Variants in MPZL1 observed in about 807,000 individuals in gnomAD.
MPZL1 encodes the protein myelin protein zero like 1, also known as myelin protein zero-like protein 1.
Under a neutral mutation model 29.3 loss-of-function variants are expected in MPZL1, and 16 were observed. The ratio of observed to expected loss-of-function variants is 0.55; its 90% CI spans 0.37 to 0.83. MPZL1 has a LOEUF of 0.83. MPZL1 is among the 40% of genes least tolerant of loss of function. The probability of loss-of-function intolerance (pLI) is 0.00; values close to 1 mark genes in which losing one functional copy is unlikely to be tolerated. For synonymous variants in MPZL1, 143 were observed against 132.0 expected (o/e 1.08, Z -0.57); for missense variants, 279 against 332.9 (o/e 0.84, Z 1.26).
chr1:167,774,793 C>T (rs1661331735), intron 4 of MPZL1: 1 of 152,324 alleles, frequency 6.6e-6, no homozygotes, highest in African/African-American at 2.4e-5. Context: ...ACATAGAAGA[C>T]ACATTGGGAC....
At chr1:167,784,671 C>A (rs1238614008) in intron 5 of MPZL1, among the ~76,000 whole-genome samples, 1 of 152,194 alleles carries the variant, frequency 6.6e-6, no homozygotes, top group African/African-American at 2.4e-5. Context: ...TGTCAGCAGA[C>A]CCCAATCTCA....
intron 1 of MPZL1, among the ~76,000 whole-genome samples, chr1:167,757,514 A>G (rs1313461633): frequency 1.3e-5 from 2 of 152,228 alleles, no homozygotes; most frequent in Non-Finnish European, 2.9e-5. Context: ...CCTAGGAAAT[A>G]AAACATTACC....
intron 1 of MPZL1, among the ~76,000 whole-genome samples, chr1:167,740,070 C>T (rs948542704): frequency 1.3e-5 from 2 of 152,176 alleles, no homozygotes; most frequent in African/African-American, 4.8e-5. Flanking sequence ...GCCATCATTG[C>T]ACTTACCTGG....
At chr1:167,745,081 G>A (rs1660617024) in intron 1 of MPZL1, among the ~76,000 whole-genome samples, 1 of 152,118 alleles carries the variant, frequency 6.6e-6, no homozygotes. Flanking sequence ...GAGAAAGCAG[G>A]AAAAGGATAC....
At chr1:167,728,653 C>G (rs1046253992) in intron 1 of MPZL1, among the ~76,000 whole-genome samples, 1 of 146,774 alleles carries the variant, frequency 6.8e-6, no homozygotes, top group African/African-American at 2.5e-5. Flanking sequence ...CTCAGAGTCT[C>G]TAGAAACTGT....
chr1:167,772,239 GA>G, intron 2 of MPZL1, 35 bp from the exon 3 acceptor site: 1 of 1,532,102 alleles, frequency 6.5e-7, no homozygotes, highest in East Asian at 2.3e-5. Flanking sequence ...TTCTGCCTTT[GA>G]GAATAGTTCA....
At chr1:167,781,174 C>G (rs566741222) in intron 5 of MPZL1, among the ~76,000 whole-genome samples, 1 of 152,244 alleles carries the variant, frequency 6.6e-6, no homozygotes, top group African/African-American at 2.4e-5. Context: ...TTTCAACACT[C>G]CTTTCTCAGC....
At chr1:167,778,619 A>G (rs1476485975) in intron 5 of MPZL1, among the ~76,000 whole-genome samples, 1 of 152,016 alleles carries the variant, frequency 6.6e-6, no homozygotes, top group Non-Finnish European at 1.5e-5. Context: ...AAATCAGGAG[A>G]AATCAATCAG....
At chr1:167,756,817 G>A (rs1392984982) in intron 1 of MPZL1, among the ~76,000 whole-genome samples, 1 of 152,066 alleles carries the variant, frequency 6.6e-6, no homozygotes, top group Non-Finnish European at 1.5e-5. Context: ...GGTAAACAAG[G>A]TAGACACAGC....
intron 1 of MPZL1, among the ~76,000 whole-genome samples, chr1:167,733,690 G>T (rs545596604): frequency 3.3e-5 from 5 of 152,052 alleles, no homozygotes; most frequent in Admixed American, 3.3e-4. Context: ...GTTGCAGTGA[G>T]CTGAGATTGT....
intron 4 of MPZL1, 170 bp downstream of exon 4, chr1:167,773,538 G>T: frequency 3.0e-6 from 2 of 676,534 alleles, no homozygotes; most frequent in East Asian, 3.0e-5. Context: ...GTGGAAATCA[G>T]TGGGCCTGCT....
rs1661698731 is a variant in MPZL1, at chr1:167,790,920, C to T, written c.*2999C>T. The T allele has an allele frequency of 6.6e-6, 1 of 152,088 alleles. No individual in the cohort carries two copies. Among genetic ancestry groups the T allele is most frequent in the Non-Finnish European group, 1.5e-5 (1 of 68,032 alleles). 9.4% of individuals were successfully genotyped at this position (152,088 alleles called of 1,614,324 possible). On this transcript the variant is annotated 3_prime_UTR_variant, in exon 6 of 6. Transcript: ENST00000359523. ...CCTGCCTTCTTTTCTTCAAAAATGC[C>T]GTCCGTGTGCCTGCTTCTGGGCCTT... is the stretch of plus-strand genomic sequence containing the variant.
At chr1:167,731,087 A>G (rs1660255017) in intron 1 of MPZL1, among the ~76,000 whole-genome samples, 1 of 152,240 alleles carries the variant, frequency 6.6e-6, no homozygotes, top group South Asian at 2.1e-4. Flanking sequence ...GAATGGATTA[A>G]TAATGAACAG....
intron 2 of MPZL1, among the ~76,000 whole-genome samples, chr1:167,766,774 A>T (rs1236367478): frequency 6.6e-6 from 1 of 152,172 alleles, no homozygotes; most frequent in African/African-American, 2.4e-5. Flanking sequence ...CTGACTCAAG[A>T]GTTATTCACC....
At chr1:167,725,972 A>T (rs1660137169) in intron 1 of MPZL1, among the ~76,000 whole-genome samples, 1 of 152,242 alleles carries the variant, frequency 6.6e-6, no homozygotes, top group South Asian at 2.1e-4. Context: ...GATTTTGTTA[A>T]AATGCAAATC....
intron 1 of MPZL1, 71 bp downstream of exon 1, chr1:167,722,313 C>T: frequency 8.1e-7 from 1 of 1,230,340 alleles, no homozygotes. Flanking sequence ...CCCATCGCGG[C>T]GGTCGCAGGC....
In MPZL1 at chr1:167,788,876, T is replaced by C. The variant is rs1402321245; in HGVS notation, c.*955T>C. 9.2e-6 allele frequency: 1 copy of C among 108,832 alleles called. No individual in the cohort carries two copies. Among genetic ancestry groups the C allele is most frequent in the Non-Finnish European group, 1.7e-5 (1 of 57,156 alleles). 6.7% of individuals were successfully genotyped at this position (108,832 alleles called of 1,614,324 possible). Reference sequence around the variant, plus strand: ...TCGCTCTCTAGAGAATCACCTTCTTTCGCTTTTTTTTTTTTTTTTGAGGTA... The same window carrying C: ...TCGCTCTCTAGAGAATCACCTTCTTCCGCTTTTTTTTTTTTTTTTGAGGTA... On this transcript the variant is annotated 3_prime_UTR_variant, in exon 6 of 6. Transcript: ENST00000359523.
At chr1:167,732,676 G>A (rs1380123357) in intron 1 of MPZL1, among the ~76,000 whole-genome samples, 2 of 152,116 alleles carry the variant, frequency 1.3e-5, no homozygotes, top group Non-Finnish European at 2.9e-5. Flanking sequence ...GAGTGCAATG[G>A]TGCGACCTCA....
At chr1:167,745,672 A>G (rs1197096209) in intron 1 of MPZL1, among the ~76,000 whole-genome samples, 2 of 152,070 alleles carry the variant, frequency 1.3e-5, no homozygotes, top group Non-Finnish European at 2.9e-5. Context: ...TTCAAACTTA[A>G]TAAATAGGAC....
Sources: allele counts gnomAD v4.1 joint callset (sites outside exome capture counted in the v4.1 genomes callset), GRCh38; gene constraint gnomAD v4.1.1; transcripts MANE v1.5; gene names NCBI Gene and HGNC (gene_info 2026-07-23, HGNC 2026-07-21).